LDLRAD4: variants seen among roughly 807,000 people sequenced by gnomAD.
LDLRAD4 encodes the protein low-density lipoprotein receptor class A domain-containing protein 4.
Under a neutral mutation model 17.0 loss-of-function variants are expected in LDLRAD4, and 5 were observed. That is an observed-to-expected ratio of 0.29 (90% confidence interval 0.15 to 0.62). The LOEUF is 0.62. LDLRAD4 is among the 20% of genes least tolerant of loss of function. LDLRAD4 has a pLI of 0.84. For synonymous variants in LDLRAD4, 168 were observed against 171.8 expected (o/e 0.98, Z 0.17); for missense variants, 340 against 424.7 (o/e 0.80, Z 1.75).
chr18:13,499,721 G>C (rs1344871146), intron 3 of LDLRAD4, among the ~76,000 whole-genome samples: 1 of 151,496 alleles, frequency 6.6e-6, no homozygotes, highest in East Asian at 1.9e-4. Context: ...ATGTCCCGCC[G>C]TGGACACTGG....
chr18:13,615,284 C>T (rs555165821), intron 3 of LDLRAD4: 6 of 152,146 alleles, frequency 3.9e-5, no homozygotes, highest in African/African-American at 1.4e-4. Flanking sequence ...TGCCCCCTGA[C>T]CCATGATAGG....
chr18:13,453,513 T>C (rs574490443), intron 3 of LDLRAD4, among the ~76,000 whole-genome samples: 5 of 151,958 alleles, frequency 3.3e-5, no homozygotes, highest in African/African-American at 1.2e-4. Flanking sequence ...GTTTGATCCC[T>C]GGAGTCACTT....
At chr18:13,369,224 T>G (rs1005820873) in intron 1 of LDLRAD4, among the ~76,000 whole-genome samples, 2 of 152,232 alleles carry the variant, frequency 1.3e-5, no homozygotes, top group Non-Finnish European at 2.9e-5. Context: ...GATCTGGTCA[T>G]TTTTCAGTTA....
chr18:13,346,834 G>T (rs2082721311), intron 1 of LDLRAD4, among the ~76,000 whole-genome samples: 1 of 152,064 alleles, frequency 6.6e-6, no homozygotes, highest in Non-Finnish European at 1.5e-5. Context: ...TTATGTAATG[G>T]CCTTCTTTGT....
chr18:13,491,657 G>A (rs1248104397), intron 3 of LDLRAD4: 4 of 152,166 alleles, frequency 2.6e-5, no homozygotes, highest in Non-Finnish European at 5.9e-5. Flanking sequence ...AGAAGCATTT[G>A]TGTGGAGCAA....
intron 3 of LDLRAD4, among the ~76,000 whole-genome samples, chr18:13,443,829 G>A (rs946907167): frequency 3.3e-5 from 5 of 152,252 alleles, no homozygotes; most frequent in African/African-American, 7.2e-5. Context: ...GTCACTGAAC[G>A]TGCTTCTCTG....
chr18:13,540,793 G>T (rs1415313406), intron 3 of LDLRAD4, among the ~76,000 whole-genome samples: 5 of 152,240 alleles, frequency 3.3e-5, no homozygotes, highest in East Asian at 3.8e-4. Context: ...CAGAGAATCA[G>T]TGTCTGCTGA....
At chr18:13,387,052 C>T (rs1441456846) in intron 1 of LDLRAD4, among the ~76,000 whole-genome samples, 1 of 152,214 alleles carries the variant, frequency 6.6e-6, no homozygotes, top group Non-Finnish European at 1.5e-5. Context: ...GGCCATGCAC[C>T]ACAGACCCCA....
intron 3 of LDLRAD4, chr18:13,561,972 C>A (rs7240788): frequency 0.31 from 47,675 of 151,990 alleles, 9,035 homozygotes; most frequent in African/African-American, 0.52. Flanking sequence ...CAAAGTCTAG[C>A]ATATCCAATA....
At chr18:13,532,979 C>T (rs1328349636) in intron 3 of LDLRAD4, among the ~76,000 whole-genome samples, 2 of 152,208 alleles carry the variant, frequency 1.3e-5, no homozygotes, top group Admixed American at 6.5e-5. Context: ...AAACAACACT[C>T]GGGAAATGAG....
At chr18:13,370,857 C>T (rs550731707) in intron 1 of LDLRAD4, among the ~76,000 whole-genome samples, 334 of 151,734 alleles carry the variant, frequency 2.2e-3, no homozygotes, top group African/African-American at 7.4e-3. Flanking sequence ...ACTACAGGCG[C>T]GCACCACCAC....
chr18:13,298,930 G>A (rs1040644265), intron 1 of LDLRAD4, among the ~76,000 whole-genome samples: 3 of 152,196 alleles, frequency 2.0e-5, no homozygotes, highest in Admixed American at 1.3e-4. Context: ...TTGAAATTCT[G>A]GGGGAGCATC....
At chr18:13,246,049 AT>A (rs1295634879) in intron 1 of LDLRAD4, among the ~76,000 whole-genome samples, 1 of 152,278 alleles carries the variant, frequency 6.6e-6, no homozygotes. Context: ...CAAATTAAAA[AT>A]GCATTGTTAA....
At chr18:13,371,718 T>C (rs1318856155) in intron 1 of LDLRAD4, among the ~76,000 whole-genome samples, 1 of 149,372 alleles carries the variant, frequency 6.7e-6, no homozygotes, top group African/African-American at 2.5e-5. Context: ...TGAGCCGAGA[T>C]CACACCACCA....
At chr18:13,482,215 C>T (rs993013703) in intron 3 of LDLRAD4, among the ~76,000 whole-genome samples, 3 of 152,152 alleles carry the variant, frequency 2.0e-5, no homozygotes, top group African/African-American at 7.2e-5. Context: ...GAACCAGTGC[C>T]AAACTCACAC....
At chr18:13,392,464 C>A (rs1422853132) in intron 2 of LDLRAD4, among the ~76,000 whole-genome samples, 1 of 152,240 alleles carries the variant, frequency 6.6e-6, no homozygotes, top group Non-Finnish European at 1.5e-5. Context: ...AAGACTCTGG[C>A]TGTCCTAAAA....
intron 3 of LDLRAD4, among the ~76,000 whole-genome samples, chr18:13,460,253 C>T (rs539353785): frequency 2.0e-5 from 3 of 152,154 alleles, no homozygotes; most frequent in South Asian, 2.1e-4. Flanking sequence ...AGTGCAGTGG[C>T]GCTATCACAA....
chr18:13,512,333 A>G (rs549341516), intron 3 of LDLRAD4, among the ~76,000 whole-genome samples: 37 of 152,338 alleles, frequency 2.4e-4, no homozygotes, highest in African/African-American at 8.2e-4. Context: ...CCACTCAGTC[A>G]TCTGTGGCCT....
intron 3 of LDLRAD4, among the ~76,000 whole-genome samples, chr18:13,582,485 C>T (rs887822585): frequency 2.0e-4 from 31 of 152,238 alleles, no homozygotes; most frequent in African/African-American, 7.5e-4. Flanking sequence ...CTAAGGCCCC[C>T]AGCCGAGGGC....
Sources: allele counts gnomAD v4.1 joint callset (sites outside exome capture counted in the v4.1 genomes callset), GRCh38; gene constraint gnomAD v4.1.1; transcripts MANE v1.5; gene names NCBI Gene and HGNC (gene_info 2026-07-23, HGNC 2026-07-21).